Variants in EPHB2 observed in about 807,000 individuals in gnomAD.
EPHB2 encodes the protein EPH receptor B2, also known as ephrin type-B receptor 2.
EPHB2 carries 18 observed loss-of-function variants against 96.4 expected under a neutral mutation model. The ratio of observed to expected loss-of-function variants is 0.19; its 90% CI spans 0.13 to 0.28. The LOEUF (loss-of-function observed/expected upper bound fraction) is 0.28, where lower values mean the gene tolerates loss of function less well. Among genes scored for constraint, EPHB2 ranks in the 10% least tolerant of loss-of-function variants. The pLI, the probability that EPHB2 is intolerant of heterozygous loss-of-function variation, is 1.00. For missense variants in EPHB2, 989 were observed against 1,355.4 expected, an observed-to-expected ratio of 0.73 and a Z score of 4.25; for synonymous variants, 506 against 534.1, an observed-to-expected ratio of 0.95 and a Z score of 0.72.
rs309501 is a variant in EPHB2, at chr1:22,906,376, G to C, written c.1888+267G>C. 0.56 allele frequency among the ~76,000 whole-genome samples: 84,986 copies of C among 151,900 alleles called. 24,314 individuals are homozygous for C. The highest frequency in any genetic ancestry group is 0.67 in the African/African-American group (27,586 of 41,430). Reference sequence around the variant, plus strand: ...GAGATTGAGCTGGGTCTGGAGCCCAGTTCTCTGGACTCTTGGTCCAGTGCT... The same window carrying C: ...GAGATTGAGCTGGGTCTGGAGCCCACTTCTCTGGACTCTTGGTCCAGTGCT... On this transcript the variant is annotated intron_variant, in intron 10 of 15. Transcript: ENST00000374630. The surrounding 1 kb of genome is among the most constrained non-coding windows in gnomAD (Gnocchi z 4.8).
At chr1:22,802,660 G>A (rs939538218) in intron 3 of EPHB2, among the ~76,000 whole-genome samples, 9 of 150,912 alleles carry the variant, frequency 6.0e-5, no homozygotes, top group African/African-American at 1.7e-4. Flanking sequence ...GCACCACCCA[G>A]CCCCACCCCC....
rs59316223 is a variant in EPHB2 at position 22,911,143 on chromosome 1, AAAAT to A, written c.2696+603_2696+606del. ...TGGCAAGAGTGAAACTCCATCTAAA[AAAAT>A]AAATAAATAAATAAATAAATAAATA... On this transcript the variant is annotated intron_variant, in intron 14 of 15. Transcript: ENST00000374630. Among the ~76,000 whole-genome samples, 368 of 133,812 alleles carry A rather than the reference AAAAT, an allele frequency of 2.8e-3. 3 individuals are homozygous for A. The highest frequency in any genetic ancestry group is 3.6e-3 in the African/African-American group (109 of 30,034). 87.8% of individuals were successfully genotyped at this position (133,812 alleles called of 152,430 possible). A position where few individuals can be genotyped will look rare whatever the true frequency, so the allele number is the denominator to read the frequency against.
intron 1 of EPHB2, among the ~76,000 whole-genome samples, chr1:22,722,883 A>G (rs1643497534): frequency 6.6e-6 from 1 of 152,198 alleles, no homozygotes; most frequent in Non-Finnish European, 1.5e-5. Context: ...ATTCTTAAGG[A>G]AGAGCCAGGT....
intron 3 of EPHB2, among the ~76,000 whole-genome samples, chr1:22,847,985 G>A (rs1302499876): frequency 6.6e-6 from 1 of 152,132 alleles, no homozygotes; most frequent in African/African-American, 2.4e-5. Flanking sequence ...CTGCTAGACG[G>A]TGAGCCTCAA....
At chr1:22,836,165 C>T (rs1282156449) in intron 3 of EPHB2, among the ~76,000 whole-genome samples, 1 of 152,186 alleles carries the variant, frequency 6.6e-6, no homozygotes, top group Non-Finnish European at 1.5e-5. Context: ...CCAGCGTAGC[C>T]GCTTTTGATT....
At chr1:22,903,828 G>A (rs1639823188) in intron 9 of EPHB2, among the ~76,000 whole-genome samples, 1 of 152,138 alleles carries the variant, frequency 6.6e-6, no homozygotes, top group Non-Finnish European at 1.5e-5. Context: ...TGCCAGGGGA[G>A]GGAGAAATCA....
chr1:22,740,635 C>T (rs1255043710), intron 1 of EPHB2, among the ~76,000 whole-genome samples: 12 of 152,218 alleles, frequency 7.9e-5, no homozygotes, highest in Non-Finnish European at 1.6e-4. Context: ...GGCCTCGTGT[C>T]CCACCACCCT....
At chr1:22,849,067 T>G (rs551529263) in intron 3 of EPHB2, among the ~76,000 whole-genome samples, 1 of 152,326 alleles carries the variant, frequency 6.6e-6, no homozygotes, top group Non-Finnish European at 1.5e-5. Context: ...TACTTCTTTC[T>G]GTCTGGGATC....
chr1:22,772,186 C>T (rs114804938), intron 1 of EPHB2, among the ~76,000 whole-genome samples: 2,284 of 152,256 alleles, frequency 0.015, 18 homozygotes, highest in Middle Eastern at 0.031. Context: ...CAATGTGGCC[C>T]GCTGTTAGTG....
At chr1:22,886,726 A>G (rs947928472) in intron 6 of EPHB2, among the ~76,000 whole-genome samples, 2 of 149,472 alleles carry the variant, frequency 1.3e-5, no homozygotes, top group Admixed American at 6.8e-5. Flanking sequence ...TCCCGGATTC[A>G]AGCGATTCTC....
intron 1 of EPHB2, among the ~76,000 whole-genome samples, chr1:22,748,972 G>C (rs1644019421): frequency 6.6e-6 from 1 of 150,522 alleles, no homozygotes; most frequent in African/African-American, 2.4e-5. Flanking sequence ...TCTTGTCTGT[G>C]AGCTGCTGGT....
chr1:22,816,039 C>T (rs1350431316), intron 3 of EPHB2, among the ~76,000 whole-genome samples: 2 of 152,196 alleles, frequency 1.3e-5, no homozygotes, highest in African/African-American at 2.4e-5. Flanking sequence ...CTTAACCTCT[C>T]TGGGCCTTCT....
chr1:22,778,467 T>C (rs1202534220), intron 1 of EPHB2, among the ~76,000 whole-genome samples: 2 of 152,114 alleles, frequency 1.3e-5, no homozygotes, highest in East Asian at 1.9e-4. Flanking sequence ...GGGGTTAAAA[T>C]TGAAAAGCAA....
intron 14 of EPHB2, among the ~76,000 whole-genome samples, chr1:22,911,232 A>G (rs1302395971): frequency 6.6e-6 from 1 of 152,148 alleles, no homozygotes; most frequent in East Asian, 1.9e-4. Flanking sequence ...CCTGTCACTA[A>G]GTTTCCTTCC....
intron 3 of EPHB2, among the ~76,000 whole-genome samples, chr1:22,833,825 G>A (rs973777989): frequency 6.6e-6 from 1 of 152,168 alleles, no homozygotes; most frequent in African/African-American, 2.4e-5. Context: ...AAACAGTACA[G>A]CTCTATCTGT....
intron 3 of EPHB2, among the ~76,000 whole-genome samples, chr1:22,842,158 T>C (rs1645478630): frequency 6.6e-6 from 1 of 151,710 alleles, no homozygotes; most frequent in African/African-American, 2.4e-5. Flanking sequence ...CTACAGACTC[T>C]GCATAGCCCA....
chr1:22,752,590 C>A (rs1230579741), intron 1 of EPHB2, among the ~76,000 whole-genome samples: 4 of 150,306 alleles, frequency 2.7e-5, no homozygotes, highest in Non-Finnish European at 5.9e-5. Flanking sequence ...TCAGGACATA[C>A]AAGGGAATTA....
At chr1:22,724,940 C>G (rs953311568) in intron 1 of EPHB2, among the ~76,000 whole-genome samples, 2 of 152,140 alleles carry the variant, frequency 1.3e-5, no homozygotes, top group Non-Finnish European at 2.9e-5. Context: ...CACCATCTCT[C>G]CCTGGTCAGT....
rs889333439 is a variant in EPHB2 at position 22,863,113 on chromosome 1, T to A, written c.888T>A (p.Thr296=). ...CTHCPINSRT[T]SEGATNCVCR... ...ACTGTCCCATCAACAGCCGGACCAC[T>A]TCTGAAGGGGCCACCAACTGTGTCT... is the stretch of plus-strand genomic sequence containing the variant. The change falls in exon 4 of 16, where the codon ACT becomes ACA. Residue 296 remains threonine (T), a synonymous_variant. Coordinates refer to ENST00000374630, the MANE Select transcript of EPHB2 (RefSeq NM_017449.5). 8.7e-6 allele frequency: 14 copies of A among 1,614,190 alleles called. No homozygotes were observed. The highest frequency in any genetic ancestry group is 1.0e-5 in the Non-Finnish European group (12 of 1,180,038).
Sources: gnomAD v4.1 joint callset for allele counts (sites outside exome capture counted in the v4.1 genomes callset) on GRCh38, gnomAD v4.1.1 for gene constraint, Gnocchi (gnomAD v3.1) non-coding constraint, MANE v1.5 for transcripts, NCBI Gene and HGNC (gene_info 2026-07-23, HGNC 2026-07-21) for gene names.